USH2A: variants seen among roughly 807,000 people sequenced by gnomAD.
The protein encoded by USH2A is Usher syndrome 2A (autosomal recessive, mild).
USH2A carries 443 observed loss-of-function variants against 538.9 expected under a neutral mutation model. The observed-to-expected ratio is 0.82, with a 90% CI of 0.76 to 0.89. The LOEUF is 0.89. Ranked by LOEUF, USH2A falls within the 40% of genes least tolerant of loss-of-function variation. USH2A has a pLI of 0.00. For missense variants in USH2A, 6,633 were observed against 6,324.8 expected (o/e 1.05, Z -1.65); for synonymous variants, 2,413 against 2,273.5 (o/e 1.06, Z -1.75).
chr1:216,402,079 G>C (rs115457200), intron 3 of USH2A, among the ~76,000 whole-genome samples: 2 of 152,010 alleles, frequency 1.3e-5, no homozygotes, highest in African/African-American at 4.8e-5. Flanking sequence ...GTTTGTGTGC[G>C]TGTGTAAACA....
chr1:216,023,515 G>T (rs958094111), intron 32 of USH2A, among the ~76,000 whole-genome samples: 1 of 89,038 alleles, frequency 1.1e-5, no homozygotes, highest in African/African-American at 3.9e-5. Context: ...GATAGAGTGA[G>T]ATATTGTTTT....
intron 18 of USH2A, 68 bp downstream of exon 18, chr1:216,198,247 G>A: frequency 6.2e-7 from 1 of 1,607,470 alleles, no homozygotes; most frequent in South Asian, 1.1e-5. Context: ...ACAGTACTTT[G>A]ACTTTAATTT....
At position 215,754,148 on chromosome 1, in the gene USH2A, G is replaced by A. The variant is rs115064608; in HGVS notation, c.11389+4447C>T. ...ATGATATTATTACCTGTCTTCTAGCGTTTGCATAAAAATTAACTGAGGTAA... is the reference window on the plus strand; with the variant it reads ...ATGATATTATTACCTGTCTTCTAGCATTTGCATAAAAATTAACTGAGGTAA... On this transcript the variant is annotated intron_variant, in intron 58 of 71. Coordinates refer to ENST00000307340, the MANE Select transcript of USH2A (RefSeq NM_206933.4). Among the ~76,000 whole-genome samples the A allele has an allele frequency of 3.8e-3, 576 of 152,190 alleles. 4 individuals are homozygous for A. The highest frequency in any genetic ancestry group is 0.013 in the African/African-American group (547 of 41,532).
rs138163267 is a variant in USH2A, at chr1:216,101,477, C to T, written c.4628-4264G>A. ...GAAATGAAAGTGGACATGCGGTGTGCGCAGGAGAGCAGAAATTTTAATACA... is the reference window on the plus strand; with the variant it reads ...GAAATGAAAGTGGACATGCGGTGTGTGCAGGAGAGCAGAAATTTTAATACA... On this transcript the variant is annotated intron_variant, in intron 21 of 71. Transcript: ENST00000307340. Among the ~76,000 whole-genome samples, 17 of 152,260 alleles carry T rather than the reference C, an allele frequency of 1.1e-4. No homozygotes were observed. In the East Asian group the frequency reaches 2.5e-3, roughly 22 times the overall value.
chr1:216,117,597 A>G (rs1472056345), intron 21 of USH2A, among the ~76,000 whole-genome samples: 1 of 152,102 alleles, frequency 6.6e-6, no homozygotes, highest in East Asian at 1.9e-4. Context: ...AGAAGTAAAA[A>G]CTGTTTAGAA....
rs1234666784 is a variant in USH2A, at chr1:215,912,493, GTA to G, written c.7301-11590_7301-11589del. ...TATATATACGTATATATATATATGTGTATATATATATATATATACGTGTATAT... is the reference window on the plus strand; with the variant it reads ...TATATATACGTATATATATATATGTGTATATATATATATATACGTGTATAT... On this transcript the variant is annotated intron_variant, in intron 38 of 71. Coordinates refer to ENST00000307340, the MANE Select transcript of USH2A (RefSeq NM_206933.4). 9.0e-3 allele frequency among the ~76,000 whole-genome samples: 199 copies of G among 22,088 alleles called. 3 individuals are homozygous for G. Among genetic ancestry groups the G allele is most frequent in the Non-Finnish European group, 0.012 (114 of 9,874 alleles). The allele number at this position is 22,088 out of a possible 152,430, so 14.5% of individuals were successfully genotyped here. A position where few individuals can be genotyped will look rare whatever the true frequency, so the allele number is the denominator to read the frequency against.
chr1:215,811,509 A>C (rs954172411), intron 49 of USH2A, among the ~76,000 whole-genome samples: 4 of 152,114 alleles, frequency 2.6e-5, no homozygotes, highest in Non-Finnish European at 4.4e-5. Flanking sequence ...CCATCCAGGA[A>C]CTGACTAAGG....
intron 11 of USH2A, among the ~76,000 whole-genome samples, chr1:216,284,130 T>A (rs1251631018): frequency 6.6e-6 from 1 of 152,166 alleles, no homozygotes; most frequent in Non-Finnish European, 1.5e-5. Context: ...TGTACATATA[T>A]ATGTAGTATT....
rs781591943 is a variant in USH2A at position 216,212,704 on chromosome 1, T to TGTGC, written c.3157+4682_3157+4683insGCAC. Reference sequence around the variant, plus strand: ...GTGTTTGTGTGTGTGTGTGTGTGTGTGCATGCACATATGTATGTAGGGGTG... The same window carrying TGTGC: ...GTGTTTGTGTGTGTGTGTGTGTGTGTGTGCGCATGCACATATGTATGTAGGGGTG... On this transcript the variant is annotated intron_variant, in intron 15 of 71. Transcript: ENST00000307340. Among the ~76,000 whole-genome samples, 295 of 151,322 alleles carry TGTGC rather than the reference T, an allele frequency of 1.9e-3. 2 individuals are homozygous for TGTGC. Among genetic ancestry groups the TGTGC allele is most frequent in the African/African-American group, 6.8e-3 (282 of 41,208 alleles).
intron 38 of USH2A, among the ~76,000 whole-genome samples, chr1:215,923,393 A>C (rs7519354): frequency 0.14 from 20,682 of 152,058 alleles, 1,531 homozygotes; most frequent in Non-Finnish European, 0.15. Flanking sequence ...TTGCTGACTA[A>C]ATTTCTCAGA....
intron 9 of USH2A, among the ~76,000 whole-genome samples, chr1:216,302,135 A>G (rs1558375001): frequency 6.6e-6 from 1 of 152,252 alleles, no homozygotes; most frequent in African/African-American, 2.4e-5. Flanking sequence ...TATCAGTGAT[A>G]GATTTCAGAG....
At chr1:216,016,508 T>C (rs1324225369) in intron 32 of USH2A, among the ~76,000 whole-genome samples, 4 of 152,174 alleles carry the variant, frequency 2.6e-5, no homozygotes, top group Non-Finnish European at 5.9e-5. Context: ...CTCCCTTTCA[T>C]GAAAACCCTG....
At chr1:216,257,129 T>C (rs1453466109) in intron 11 of USH2A, among the ~76,000 whole-genome samples, 1 of 152,036 alleles carries the variant, frequency 6.6e-6, no homozygotes, top group East Asian at 1.9e-4. Flanking sequence ...GGGTGCTCTT[T>C]GTTTCTTTGT....
rs1447053724 is a variant in USH2A, at chr1:216,101,303, A to G, written c.4628-4090T>C. Among the ~76,000 whole-genome samples the G allele has an allele frequency of 3.9e-5, 6 of 152,244 alleles. No homozygotes were observed. The East Asian group carries it at 1.2e-3, about 29-fold the overall frequency. ...GATTAACATATAAAACATTTTAAAGAAAACATTACTGACTCTACCGTGAGA... is the reference window on the plus strand; with the variant it reads ...GATTAACATATAAAACATTTTAAAGGAAACATTACTGACTCTACCGTGAGA... On this transcript the variant is annotated intron_variant, in intron 21 of 71. Coordinates refer to ENST00000307340, the MANE Select transcript of USH2A (RefSeq NM_206933.4).
At chr1:216,114,763 C>T (rs375009326) in intron 21 of USH2A, among the ~76,000 whole-genome samples, 148 of 152,218 alleles carry the variant, frequency 9.7e-4, no homozygotes, top group African/African-American at 2.5e-3. Context: ...GCAACCAACA[C>T]GTCAAATATG....
chr1:216,206,065 T>C (rs2035104840), intron 16 of USH2A, among the ~76,000 whole-genome samples: 1 of 152,182 alleles, frequency 6.6e-6, no homozygotes, highest in African/African-American at 2.4e-5. Flanking sequence ...ATGTGTGTAT[T>C]AAATTACACT....
chr1:216,405,790 T>G (rs1052656514), intron 3 of USH2A, among the ~76,000 whole-genome samples: 1 of 152,218 alleles, frequency 6.6e-6, no homozygotes, highest in South Asian at 2.1e-4. Context: ...TGTCCTTCAA[T>G]GGGTGAAGGG....
chr1:215,927,436 T>C (rs892323521), intron 38 of USH2A, among the ~76,000 whole-genome samples: 2 of 152,124 alleles, frequency 1.3e-5, no homozygotes, highest in African/African-American at 2.4e-5. Context: ...CTTGGCCCTA[T>C]ATAACAAGAT....
intron 34 of USH2A, among the ~76,000 whole-genome samples, chr1:215,996,654 A>C (rs1668151330): frequency 8.0e-6 from 1 of 125,554 alleles, no homozygotes; most frequent in African/African-American, 3.1e-5. Flanking sequence ...TTTCCAAGCA[A>C]ATTATTTAAT....
Sources: gnomAD v4.1 joint callset for allele counts (sites outside exome capture counted in the v4.1 genomes callset) on GRCh38, gnomAD v4.1.1 for gene constraint, MANE v1.5 for transcripts, NCBI Gene and HGNC (gene_info 2026-07-23, HGNC 2026-07-21) for gene names.